Variants in ATXN7L1 observed in about 807,000 individuals in gnomAD.
ATXN7L1 encodes ataxin 7 like 1.
A neutral mutation model predicts 70.8 loss-of-function variants in ATXN7L1; 15 were observed. The observed-to-expected ratio is 0.21, with a 90% confidence interval of 0.14 to 0.33. The LOEUF (loss-of-function observed/expected upper bound fraction) is 0.33, where lower values mean the gene tolerates loss of function less well. ATXN7L1 is among the 10% of genes least tolerant of loss of function. The probability of loss-of-function intolerance (pLI) is 1.00; values close to 1 mark genes in which losing one functional copy is unlikely to be tolerated. For missense variants in ATXN7L1, 975 were observed against 1,097.1 expected, an observed-to-expected ratio of 0.89 and a Z score of 1.57; for synonymous variants, 440 against 445.1, an observed-to-expected ratio of 0.99 and a Z score of 0.14.
intron 3 of ATXN7L1, among the ~76,000 whole-genome samples, chr7:105,755,546 A>T (rs1278467443): frequency 6.6e-6 from 1 of 152,196 alleles, no homozygotes; most frequent in East Asian, 1.9e-4. Flanking sequence ...GGAAAAAAAT[A>T]AAGACCAGGG....
intron 8 of ATXN7L1, among the ~76,000 whole-genome samples, chr7:105,621,858 C>G (rs967893195): frequency 6.6e-6 from 1 of 152,060 alleles, no homozygotes; most frequent in South Asian, 2.1e-4. Context: ...GGAGGAAATG[C>G]AAGACCTTCC....
At chr7:105,779,996 A>G (rs2116460822) in intron 3 of ATXN7L1, among the ~76,000 whole-genome samples, 1 of 152,342 alleles carries the variant, frequency 6.6e-6, no homozygotes, top group Admixed American at 6.5e-5. Context: ...ACGCAATGGC[A>G]ATCAACACCT....
chr7:105,786,968 A>T, intron 3 of ATXN7L1, among the ~76,000 whole-genome samples: 1 of 152,140 alleles, frequency 6.6e-6, no homozygotes. Context: ...CTGGTCACGG[A>T]GCTTCTATGC....
intron 3 of ATXN7L1, among the ~76,000 whole-genome samples, chr7:105,741,268 A>C (rs1276410414): frequency 6.6e-6 from 1 of 152,066 alleles, no homozygotes; most frequent in Non-Finnish European, 1.5e-5. Flanking sequence ...ATCTAAATCC[A>C]ACTCAAATGA....
At chr7:105,733,673 T>C (rs376815088) in intron 3 of ATXN7L1, among the ~76,000 whole-genome samples, 9 of 110,868 alleles carry the variant, frequency 8.1e-5, no homozygotes, top group African/African-American at 1.0e-4. Flanking sequence ...CATCCATCCA[T>C]CCATCCACCC....
intron 3 of ATXN7L1, among the ~76,000 whole-genome samples, chr7:105,720,790 T>C (rs1795099561): frequency 6.6e-6 from 1 of 151,540 alleles, no homozygotes; most frequent in African/African-American, 2.4e-5. Flanking sequence ...CGCAGAGGAG[T>C]TGGTGGTGTC....
chr7:105,692,988 G>T (rs1415058287), intron 3 of ATXN7L1, among the ~76,000 whole-genome samples: 1 of 152,138 alleles, frequency 6.6e-6, no homozygotes, highest in African/African-American at 2.4e-5. Flanking sequence ...AAAGCACTGG[G>T]ATTACAAGCA....
Position 105,761,331 on chromosome 7 carries a change from C to A in ATXN7L1, c.355+27273G>T, listed in dbSNP as rs1418696367. The A allele has an allele frequency of 2.5e-6, 4 of 1,612,858 alleles. No homozygotes were observed. The South Asian group carries it at 4.4e-5, about 18-fold the overall frequency. On this transcript the variant is annotated intron_variant, in intron 3 of 11. Transcript: ENST00000419735. ...AAGCCGTCTCCAGACAATGCCAGTCCTCTGAGATCTTTCAGAAGTTGTACG... is the reference window on the plus strand; with the variant it reads ...AAGCCGTCTCCAGACAATGCCAGTCATCTGAGATCTTTCAGAAGTTGTACG...
At chr7:105,811,489 T>A (rs1158456466) in intron 2 of ATXN7L1, among the ~76,000 whole-genome samples, 2 of 151,892 alleles carry the variant, frequency 1.3e-5, no homozygotes, top group African/African-American at 4.8e-5. Flanking sequence ...TAGCAAACTA[T>A]TACAGGGGGT....
chr7:105,693,473 G>A (rs1461653159), intron 3 of ATXN7L1, among the ~76,000 whole-genome samples: 1 of 152,184 alleles, frequency 6.6e-6, no homozygotes, highest in Non-Finnish European at 1.5e-5. Context: ...TTACAGGCTT[G>A]AGCTACTGTG....
intron 3 of ATXN7L1, among the ~76,000 whole-genome samples, chr7:105,671,600 G>A (rs1562982920): frequency 6.6e-6 from 1 of 152,086 alleles, no homozygotes; most frequent in Non-Finnish European, 1.5e-5. Flanking sequence ...AGTAATAATA[G>A]TTTTAAGATT....
chr7:105,792,712 G>T (rs1410072519), intron 2 of ATXN7L1, among the ~76,000 whole-genome samples: 1 of 152,200 alleles, frequency 6.6e-6, no homozygotes, highest in African/African-American at 2.4e-5. Context: ...CATGGCAGTA[G>T]CTTGAAATCA....
chr7:105,610,501 T>TGGCCC, intron 11 of ATXN7L1, 28 bp downstream of exon 11: 2 of 1,526,736 alleles, frequency 1.3e-6, no homozygotes, highest in Non-Finnish European at 1.8e-6. Context: ...TATGAATTTT[T>TGGCCC]GCCCCACCCC....
At chr7:105,763,253 C>G (rs764049676) in intron 3 of ATXN7L1, among the ~76,000 whole-genome samples, 1 of 152,230 alleles carries the variant, frequency 6.6e-6, no homozygotes, top group Non-Finnish European at 1.5e-5. Flanking sequence ...CATCTCTTCT[C>G]TCTTGAGGAT....
chr7:105,789,629 T>C (rs1391412347), intron 2 of ATXN7L1, among the ~76,000 whole-genome samples: 1 of 152,040 alleles, frequency 6.6e-6, no homozygotes, highest in African/African-American at 2.4e-5. Flanking sequence ...GCTCTGTGCA[T>C]GGAGGGAGTC....
At chr7:105,671,012 C>G (rs2116102061) in intron 3 of ATXN7L1, among the ~76,000 whole-genome samples, 1 of 148,616 alleles carries the variant, frequency 6.7e-6, no homozygotes, top group East Asian at 2.0e-4. Flanking sequence ...GAGGCTGAGG[C>G]AGGAGAATGG....
intron 2 of ATXN7L1, among the ~76,000 whole-genome samples, chr7:105,806,611 A>T (rs530443061): frequency 3.9e-4 from 59 of 152,154 alleles, no homozygotes; most frequent in Non-Finnish European, 8.2e-4. Flanking sequence ...GGTTGTGCAC[A>T]GTCTCCCTGT....
rs1800372712 is a variant in ATXN7L1, at chr7:105,760,251, T to C, written c.355+28353A>G. On this transcript the variant is annotated intron_variant, in intron 3 of 11. Transcript: ENST00000419735. The stretch of plus-strand genomic sequence containing the variant: ...ATGCACTGGGAAAAGTGACAAAGGA[T>C]ATTTATGTATGGTTTTACAGTTAAA... The C allele has an allele frequency of 1.8e-5, 18 of 981,988 alleles. 2 individuals carry two copies. Among genetic ancestry groups the C allele is most frequent in the Middle Eastern group, 5.2e-4 (1 of 1,936 alleles). 60.8% of individuals were successfully genotyped at this position (981,988 alleles called of 1,614,324 possible). A position where few individuals can be genotyped will look rare whatever the true frequency, so the allele number is the denominator to read the frequency against.
chr7:105,729,157 G>T (rs1951892584), intron 3 of ATXN7L1, among the ~76,000 whole-genome samples: 1 of 152,032 alleles, frequency 6.6e-6, no homozygotes, highest in Non-Finnish European at 1.5e-5. Flanking sequence ...TGTAGTCCCA[G>T]TTACTCAGGA....
Sources: allele counts gnomAD v4.1 joint callset (sites outside exome capture counted in the v4.1 genomes callset), GRCh38; gene constraint gnomAD v4.1.1; transcripts MANE v1.5; gene names NCBI Gene and HGNC (gene_info 2026-07-23, HGNC 2026-07-21).